NR1D2: variants seen among roughly 807,000 people sequenced by gnomAD.
NR1D2 encodes the protein nuclear receptor subfamily 1 group D member 2.
NR1D2 carries 25 observed loss-of-function variants against 52.2 expected under a neutral mutation model. The observed-to-expected ratio is 0.48, with a 90% CI of 0.35 to 0.67. NR1D2 has a LOEUF of 0.67. Among genes scored for constraint, NR1D2 ranks in the 30% least tolerant of loss-of-function variants. The pLI is 0.01. For synonymous variants in NR1D2, 259 were observed against 230.1 expected (o/e 1.13, Z -1.14); for missense variants, 681 against 707.2 (o/e 0.96, Z 0.42).
chr3:23,962,601 A>C lies in NR1D2; in HGVS notation c.1142A>C (p.His381Pro), dbSNP rs750586856. 2 of 1,594,882 alleles carry C rather than the reference A, an allele frequency of 1.3e-6. No homozygotes were observed. The highest frequency in any genetic ancestry group is 1.7e-6 in the Non-Finnish European group (2 of 1,167,252). ...SYLCNTGGRM[H>P]LVCPMSKSPY... ...CTGTGCAACACTGGAGGAAGAATGC[A>C]TCTGGTATAGTGAAATCGATTTTTT... The change falls in exon 5 of 8, where the codon CAT becomes CCT. Residue 381 changes from histidine (H) to proline (P), a missense_variant. Coordinates refer to ENST00000312521, the MANE Select transcript of NR1D2 (RefSeq NM_005126.5).
Position 23,980,397 on chromosome 3 carries a change from CTG to C in NR1D2, c.*2979_*2980del, listed in dbSNP as rs1706845077. Reference sequence around the variant, plus strand: ...ACTGTTACCTATAAACAAAGATTGACTGGATTCGATCCAAAAGATAAAACTTG... The same window carrying C: ...ACTGTTACCTATAAACAAAGATTGACGATTCGATCCAAAAGATAAAACTTG... On this transcript the variant is annotated 3_prime_UTR_variant, in exon 8 of 8. Transcript: ENST00000312521. 1 of 151,972 alleles carries C rather than the reference CTG, an allele frequency of 6.6e-6. No homozygotes were observed. Among genetic ancestry groups the C allele is most frequent in the Non-Finnish European group, 1.5e-5 (1 of 67,994 alleles). The allele number at this position is 151,972 out of a possible 1,614,324, so 9.4% of individuals were successfully genotyped here. A position where few individuals can be genotyped will look rare whatever the true frequency, so the allele number is the denominator to read the frequency against.
chr3:23,957,388 A>G (rs1472901067), intron 3 of NR1D2, among the ~76,000 whole-genome samples: 1 of 95,466 alleles, frequency 1.0e-5, no homozygotes, highest in Non-Finnish European at 1.9e-5. Flanking sequence ...TTCTCTATAT[A>G]TCTTTTTTTT....
chr3:23,959,957 G>A (rs933166513), intron 4 of NR1D2, 142 bp downstream of exon 4: 31 of 659,046 alleles, frequency 4.7e-5, no homozygotes, highest in African/African-American at 3.9e-4. Context: ...ATGCTTTACA[G>A]GACACCAAAT....
At position 23,963,015 on chromosome 3, in the gene NR1D2, G is replaced by A. The variant is rs536189174; in HGVS notation, c.1146+410G>A. Among the ~76,000 whole-genome samples the A allele has an allele frequency of 1.4e-3, 200 of 141,082 alleles. 1 individual carries two copies. The highest frequency in any genetic ancestry group is 2.5e-3 in the Non-Finnish European group (159 of 64,236). The allele number at this position is 141,082 out of a possible 152,430, so 92.6% of individuals were successfully genotyped here. On this transcript the variant is annotated intron_variant, in intron 5 of 7. Coordinates refer to ENST00000312521, the MANE Select transcript of NR1D2 (RefSeq NM_005126.5). ...AATTCTTTGATTTCTATAGAAAGAG[G>A]TTTTTTTTTTTTTTAACCATTATTA...
chr3:23,954,272 A>G (rs557014723), intron 1 of NR1D2, among the ~76,000 whole-genome samples: 34 of 152,264 alleles, frequency 2.2e-4, no homozygotes, highest in African/African-American at 8.2e-4. Context: ...TCAGCCCCCA[A>G]AGTACTATGA....
At chr3:23,954,393 C>CT in intron 1 of NR1D2, 144 bp from the exon 2 acceptor site, 1 of 704,710 alleles carries the variant, frequency 1.4e-6, no homozygotes, top group South Asian at 1.9e-5. Context: ...TAAGGAAATA[C>CT]TTTATTTTTT....
chr3:23,972,109 G>A (rs754143038), intron 7 of NR1D2, among the ~76,000 whole-genome samples: 28 of 152,128 alleles, frequency 1.8e-4, no homozygotes, highest in Non-Finnish European at 4.0e-4. Context: ...GAAATGTATA[G>A]TGGTCTTCTT....
chr3:23,947,078 A>G (rs1705752022), intron 1 of NR1D2, among the ~76,000 whole-genome samples: 1 of 152,176 alleles, frequency 6.6e-6, no homozygotes, highest in Admixed American at 6.5e-5. Context: ...TTGTGTTTTG[A>G]TTACCTAATC....
At chr3:23,968,878 G>A (rs1237034752) in intron 7 of NR1D2, among the ~76,000 whole-genome samples, 1 of 152,146 alleles carries the variant, frequency 6.6e-6, no homozygotes, top group Non-Finnish European at 1.5e-5. Context: ...TTATGACTTT[G>A]TTTCCCATTT....
At chr3:23,949,368 A>G (rs1003755805) in intron 1 of NR1D2, among the ~76,000 whole-genome samples, 1 of 152,010 alleles carries the variant, frequency 6.6e-6, no homozygotes, top group Non-Finnish European at 1.5e-5. Context: ...CCGTCTGAAA[A>G]AAAAAAACAA....
chr3:23,964,845 A>G (rs73036802), intron 5 of NR1D2, 132 bp from the exon 6 acceptor site: 23,759 of 617,014 alleles, frequency 0.039, 606 homozygotes, highest in Middle Eastern at 0.066. Flanking sequence ...TGAAGTGCTA[A>G]TATCTCAGTA....
intron 5 of NR1D2, among the ~76,000 whole-genome samples, chr3:23,964,107 C>G (rs1330188584): frequency 6.7e-6 from 1 of 149,808 alleles, no homozygotes; most frequent in Admixed American, 6.6e-5. Flanking sequence ...GAGACGGAGT[C>G]TCACTCTGTC....
intron 7 of NR1D2, among the ~76,000 whole-genome samples, chr3:23,974,088 CTTTTTTTTTTTTT>C (rs60587118): frequency 3.8e-5 from 3 of 79,508 alleles, no homozygotes; most frequent in African/African-American, 5.2e-5. Context: ...TTACAGTTAC[CTTTTTTTTTTTTT>C]TTTTTTTTTT....
chr3:23,953,388 G>A (rs1448310022), intron 1 of NR1D2, among the ~76,000 whole-genome samples: 3 of 151,140 alleles, frequency 2.0e-5, no homozygotes, highest in Admixed American at 2.0e-4. Context: ...TTTTCAGAAG[G>A]GTTGTGGCGG....
At chr3:23,964,417 T>C (rs560745855) in intron 5 of NR1D2, among the ~76,000 whole-genome samples, 3 of 152,304 alleles carry the variant, frequency 2.0e-5, no homozygotes, top group Non-Finnish European at 2.9e-5. Context: ...GGCACCTTGC[T>C]GTTTTTTCTT....
In NR1D2 at chr3:23,978,155, G is replaced by T. The variant is rs576133114; in HGVS notation, c.*736G>T. ...ACCAACCATATTATTCAGGGTTCCT[G>T]CCATATGTGTGGGGTATCCTACTGA... On this transcript the variant is annotated 3_prime_UTR_variant, in exon 8 of 8. Coordinates refer to ENST00000312521, the MANE Select transcript of NR1D2 (RefSeq NM_005126.5). The T allele has an allele frequency of 1.3e-5, 2 of 152,230 alleles. No individual in the cohort carries two copies. The highest frequency in any genetic ancestry group is 4.2e-4 in the South Asian group (2 of 4,816). The allele number at this position is 152,230 out of a possible 1,614,324, so 9.4% of individuals were successfully genotyped here.
rs1216188380 is a variant in NR1D2 at position 23,979,082 on chromosome 3, G to A, written c.*1663G>A. On this transcript the variant is annotated 3_prime_UTR_variant, in exon 8 of 8. Transcript: ENST00000312521. ...ACTGTACTAAGCCTGTTACTTTCAT[G>A]ACGTGTGAGCAGAATGCCTTATTTT... The A allele has an allele frequency of 6.6e-6, 1 of 152,054 alleles. No individual in the cohort carries two copies. The highest frequency in any genetic ancestry group is 1.5e-5 in the Non-Finnish European group (1 of 67,958). The allele number at this position is 152,054 out of a possible 1,614,324, so 9.4% of individuals were successfully genotyped here. A position where few individuals can be genotyped will look rare whatever the true frequency, so the allele number is the denominator to read the frequency against.
chr3:23,977,440 T>C lies in NR1D2; in HGVS notation c.*21T>C. ...CTTAAGGCCTTTGTTTATTTAAACATGAACTGATGGTAACTGTACATTTTG... is the reference window on the plus strand; with the variant it reads ...CTTAAGGCCTTTGTTTATTTAAACACGAACTGATGGTAACTGTACATTTTG... On this transcript the variant is annotated 3_prime_UTR_variant, in exon 8 of 8. Coordinates refer to ENST00000312521, the MANE Select transcript of NR1D2 (RefSeq NM_005126.5). The C allele has an allele frequency of 6.7e-7, 1 of 1,493,588 alleles. No individual in the cohort carries two copies. Among genetic ancestry groups the C allele is most frequent in the Non-Finnish European group, 9.1e-7 (1 of 1,099,068 alleles). The allele number at this position is 1,493,588 out of a possible 1,614,324, so 92.5% of individuals were successfully genotyped here. A position where few individuals can be genotyped will look rare whatever the true frequency, so the allele number is the denominator to read the frequency against.
At chr3:23,974,506 G>A (rs1309411115) in intron 7 of NR1D2, among the ~76,000 whole-genome samples, 2 of 152,108 alleles carry the variant, frequency 1.3e-5, no homozygotes, top group African/African-American at 4.8e-5. Context: ...TCCTCTGTCA[G>A]AATGTAAGCT....
Sources: gnomAD v4.1 joint callset for allele counts (sites outside exome capture counted in the v4.1 genomes callset) on GRCh38, gnomAD v4.1.1 for gene constraint, MANE v1.5 for transcripts, NCBI Gene and HGNC (gene_info 2026-07-23, HGNC 2026-07-21) for gene names.